TP63: variants seen among roughly 807,000 people sequenced by gnomAD.
TP63 encodes the protein tumor protein p63.
In TP63, 17 loss-of-function variants were observed where a neutral mutation model predicts 82.8. That is an observed-to-expected ratio of 0.21 (90% CI 0.14 to 0.31). TP63 has a LOEUF of 0.31. Ranked by LOEUF, TP63 falls within the 10% of genes least tolerant of loss-of-function variation. The pLI, the probability that TP63 is intolerant of heterozygous loss-of-function variation, is 1.00. For synonymous variants in TP63, 330 were observed against 321.7 expected, an observed-to-expected ratio of 1.03 and a Z score of -0.28; for missense variants, 648 against 895.3, an observed-to-expected ratio of 0.72 and a Z score of 3.52.
intron 4 of TP63, among the ~76,000 whole-genome samples, chr3:189,812,245 G>C (rs1727650563): frequency 6.6e-6 from 1 of 152,012 alleles, no homozygotes; most frequent in South Asian, 2.1e-4. Context: ...TTGCGTTTCT[G>C]TGTTTTAAAT....
intron 1 of TP63, among the ~76,000 whole-genome samples, chr3:189,669,438 A>T (rs1714700731): frequency 6.6e-6 from 1 of 152,062 alleles, no homozygotes; most frequent in African/African-American, 2.4e-5. Flanking sequence ...ACCTACAGGA[A>T]ATAATAGGGG....
At chr3:189,651,737 G>A (rs1305170424) in intron 1 of TP63, among the ~76,000 whole-genome samples, 1 of 146,306 alleles carries the variant, frequency 6.8e-6, no homozygotes, top group African/African-American at 2.6e-5. Flanking sequence ...GGAGGCCTAG[G>A]AGGGAAAAAA....
Position 189,765,433 on chromosome 3 carries a change from C to CTTT in TP63, c.324+26678_324+26680dup, listed in dbSNP as rs576530590. On this transcript the variant is annotated intron_variant, in intron 3 of 13. Transcript: ENST00000264731. The stretch of plus-strand genomic sequence containing the variant: ...GGCTTTGTAAATATCCTGTCCTCTG[C>CTTT]TTTTTTTTTTTTTTTTTTTTTGAGA... Among the ~76,000 whole-genome samples, 56 of 30,090 alleles carry CTTT rather than the reference C, an allele frequency of 1.9e-3. 19 individuals are homozygous for CTTT. Among genetic ancestry groups the CTTT allele is most frequent in the African/African-American group, 4.5e-3 (36 of 8,066 alleles). 19.7% of individuals were successfully genotyped at this position (30,090 alleles called of 152,430 possible).
chr3:189,817,467 T>A (rs1728313059), intron 4 of TP63, among the ~76,000 whole-genome samples: 1 of 152,152 alleles, frequency 6.6e-6, no homozygotes, highest in South Asian at 2.1e-4. Context: ...AAATGAGTAT[T>A]ATAATTTTTA....
chr3:189,646,286 T>C (rs538801335), intron 1 of TP63, among the ~76,000 whole-genome samples: 3 of 146,106 alleles, frequency 2.1e-5, no homozygotes, highest in African/African-American at 7.7e-5. Context: ...AGGGGAGGGG[T>C]TGTCTTGTTA....
chr3:189,696,210 C>G (rs1367718037), intron 1 of TP63, among the ~76,000 whole-genome samples: 4 of 152,090 alleles, frequency 2.6e-5, no homozygotes, highest in Admixed American at 2.0e-4. Context: ...CCTTTCCCTG[C>G]CACCAACTCC....
At chr3:189,721,507 G>A (rs1333107248) in intron 1 of TP63, among the ~76,000 whole-genome samples, 1 of 151,654 alleles carries the variant, frequency 6.6e-6, no homozygotes, top group Non-Finnish European at 1.5e-5. Context: ...CGTTGTGATT[G>A]GAAATATTAA....
At chr3:189,716,797 T>C (rs1718991868) in intron 1 of TP63, among the ~76,000 whole-genome samples, 1 of 152,070 alleles carries the variant, frequency 6.6e-6, no homozygotes, top group Non-Finnish European at 1.5e-5. Context: ...CAGAATCTCT[T>C]AGTATCTTTT....
At chr3:189,851,690 G>C (rs550789853) in intron 4 of TP63, among the ~76,000 whole-genome samples, 4 of 152,282 alleles carry the variant, frequency 2.6e-5, no homozygotes, top group Non-Finnish European at 5.9e-5. Flanking sequence ...CTGCTAGCTT[G>C]GTGCCTCATC....
At chr3:189,821,723 C>A (rs1198606447) in intron 4 of TP63, among the ~76,000 whole-genome samples, 1 of 152,178 alleles carries the variant, frequency 6.6e-6, no homozygotes, top group South Asian at 2.1e-4. Context: ...CTTAATTTGA[C>A]ATTGGAATTT....
At chr3:189,846,929 C>T (rs544077831) in intron 4 of TP63, among the ~76,000 whole-genome samples, 1 of 152,112 alleles carries the variant, frequency 6.6e-6, no homozygotes, top group Non-Finnish European at 1.5e-5. Flanking sequence ...GATCCACCCA[C>T]CTCGGCCTCC....
At chr3:189,859,289 T>A (rs568185231) in intron 4 of TP63, among the ~76,000 whole-genome samples, 1 of 152,314 alleles carries the variant, frequency 6.6e-6, no homozygotes, top group East Asian at 1.9e-4. Context: ...AAGTGAAATT[T>A]CTGTGTTACA....
chr3:189,834,265 G>A (rs942440361), intron 4 of TP63, among the ~76,000 whole-genome samples: 1 of 152,274 alleles, frequency 6.6e-6, no homozygotes, highest in Non-Finnish European at 1.5e-5. Context: ...GAAAAAAAGT[G>A]TTTGAAGTAA....
upstream of TP63, among the ~76,000 whole-genome samples, chr3:189,627,504 G>A (rs1277144572): frequency 6.6e-6 from 1 of 152,156 alleles, no homozygotes; most frequent in African/African-American, 2.4e-5. Context: ...ATAGTAGCCA[G>A]TAGCCTCACA....
intron 4 of TP63, among the ~76,000 whole-genome samples, chr3:189,817,860 G>A (rs974439825): frequency 1.3e-5 from 2 of 151,658 alleles, no homozygotes; most frequent in African/African-American, 4.8e-5. Context: ...TGCAGAACCA[G>A]TAAAAAGTTT....
At chr3:189,721,331 G>A (rs1719376310) in intron 1 of TP63, among the ~76,000 whole-genome samples, 1 of 152,194 alleles carries the variant, frequency 6.6e-6, no homozygotes, top group Non-Finnish European at 1.5e-5. Flanking sequence ...AGGATGCTTA[G>A]TGATTTTCTA....
chr3:189,703,605 A>G (rs751505726), intron 1 of TP63, among the ~76,000 whole-genome samples: 73 of 152,206 alleles, frequency 4.8e-4, no homozygotes, highest in Non-Finnish European at 1.5e-4. Flanking sequence ...CAGAGTCATT[A>G]GAACTTTAAA....
intron 3 of TP63, among the ~76,000 whole-genome samples, chr3:189,740,063 C>T (rs944088730): frequency 7.9e-5 from 12 of 152,082 alleles, no homozygotes; most frequent in Non-Finnish European, 1.2e-4. Context: ...GAAACAAAAA[C>T]AGAAAGTTAT....
intron 3 of TP63, among the ~76,000 whole-genome samples, chr3:189,801,156 G>A (rs1326269004): frequency 6.6e-6 from 1 of 152,084 alleles, no homozygotes; most frequent in Non-Finnish European, 1.5e-5. Flanking sequence ...TCTAAAGGCA[G>A]TATGGTATGC....
Sources: gnomAD v4.1 joint callset for allele counts (sites outside exome capture counted in the v4.1 genomes callset) on GRCh38, gnomAD v4.1.1 for gene constraint, MANE v1.5 for transcripts, NCBI Gene and HGNC (gene_info 2026-07-23, HGNC 2026-07-21) for gene names.